Variants in GALNTL6 observed in about 807,000 individuals in gnomAD.
GALNTL6 encodes the protein polypeptide N-acetylgalactosaminyltransferase-like 6.
GALNTL6 carries 46 observed loss-of-function variants against 73.7 expected under a neutral mutation model. That is an observed-to-expected ratio of 0.62 (90% CI 0.49 to 0.80). GALNTL6 has a LOEUF of 0.80. Ranked by LOEUF, GALNTL6 falls within the 30% of genes least tolerant of loss-of-function variation. The pLI is 0.00. For missense variants in GALNTL6, 604 were observed against 755.0 expected (o/e 0.80, Z 2.34); for synonymous variants, 259 against 263.7 (o/e 0.98, Z 0.17).
intron 7 of GALNTL6, among the ~76,000 whole-genome samples, chr4:172,858,963 A>C (rs905660223): frequency 2.6e-5 from 4 of 151,916 alleles, no homozygotes; most frequent in Non-Finnish European, 5.9e-5. Context: ...TGGTCTCTTG[A>C]AAAAAAATAA....
chr4:172,799,770 G>A (rs1740501050), intron 5 of GALNTL6, among the ~76,000 whole-genome samples: 3 of 151,816 alleles, frequency 2.0e-5, no homozygotes, highest in Admixed American at 2.0e-4. Context: ...CTGCGTATAT[G>A]CCAAAACAAC....
At chr4:172,139,886 CT>C (rs912507440) in intron 2 of GALNTL6, among the ~76,000 whole-genome samples, 1 of 152,070 alleles carries the variant, frequency 6.6e-6, no homozygotes, top group African/African-American at 2.4e-5. Context: ...TATTGCATTT[CT>C]TTACTGTGTT....
chr4:172,228,447 T>C (rs1736942221), intron 2 of GALNTL6, among the ~76,000 whole-genome samples: 1 of 152,126 alleles, frequency 6.6e-6, no homozygotes, highest in South Asian at 2.1e-4. Context: ...AAGAATATTA[T>C]GCCCCATTTT....
intron 5 of GALNTL6, among the ~76,000 whole-genome samples, chr4:172,536,191 T>C (rs906223756): frequency 6.6e-6 from 1 of 152,192 alleles, no homozygotes; most frequent in African/African-American, 2.4e-5. Context: ...CCACTAAACC[T>C]CTTTTTCATT....
chr4:171,911,564 G>A (rs1163584534), intron 2 of GALNTL6, among the ~76,000 whole-genome samples: 1 of 152,182 alleles, frequency 6.6e-6, no homozygotes, highest in African/African-American at 2.4e-5. Flanking sequence ...AAAGCATTAA[G>A]TTAAGCACAT....
At chr4:172,351,204 T>TATCTATC (rs1554016416) in intron 5 of GALNTL6, among the ~76,000 whole-genome samples, 1 of 152,098 alleles carries the variant, frequency 6.6e-6, no homozygotes, top group Non-Finnish European at 1.5e-5. Flanking sequence ...TCTATCTATC[T>TATCTATC]ATCTATCTAT....
chr4:172,364,589 A>G (rs1742490014), intron 5 of GALNTL6, among the ~76,000 whole-genome samples: 1 of 152,232 alleles, frequency 6.6e-6, no homozygotes, highest in African/African-American at 2.4e-5. Context: ...ATTTGAAAAA[A>G]GATAACATTT....
intron 5 of GALNTL6, among the ~76,000 whole-genome samples, chr4:172,398,709 C>T (rs1743933583): frequency 6.6e-6 from 1 of 152,108 alleles, no homozygotes; most frequent in African/African-American, 2.4e-5. Flanking sequence ...AATATATCAA[C>T]TCTACAAATA....
At chr4:171,890,147 A>T (rs2110925074) in intron 2 of GALNTL6, among the ~76,000 whole-genome samples, 1 of 152,258 alleles carries the variant, frequency 6.6e-6, no homozygotes, top group East Asian at 1.9e-4. Context: ...TTCCATGTCT[A>T]TACCAAAAGC....
intron 5 of GALNTL6, among the ~76,000 whole-genome samples, chr4:172,384,088 C>T (rs1187755257): frequency 6.6e-6 from 1 of 151,938 alleles, no homozygotes; most frequent in Non-Finnish European, 1.5e-5. Flanking sequence ...TGATAGTTGT[C>T]TGGTTTTGGT....
At chr4:172,427,786 T>C (rs571634786) in intron 5 of GALNTL6, among the ~76,000 whole-genome samples, 12 of 152,290 alleles carry the variant, frequency 7.9e-5, no homozygotes, top group Non-Finnish European at 1.8e-4. Flanking sequence ...ATTTTGTTGG[T>C]ATTAAAACAC....
chr4:171,940,028 G>A (rs890333388), intron 2 of GALNTL6, among the ~76,000 whole-genome samples: 7 of 151,812 alleles, frequency 4.6e-5, no homozygotes, highest in East Asian at 1.9e-4. Context: ...CTCACTGTAC[G>A]GTCTTCGACA....
chr4:172,722,848 C>A (rs1735564246), intron 5 of GALNTL6, among the ~76,000 whole-genome samples: 1 of 152,112 alleles, frequency 6.6e-6, no homozygotes. Context: ...TCAGTTTCTG[C>A]ATAAGTTTTC....
chr4:172,720,070 T>C (rs1370252992), intron 5 of GALNTL6, among the ~76,000 whole-genome samples: 1 of 151,962 alleles, frequency 6.6e-6, no homozygotes, highest in African/African-American at 2.4e-5. Context: ...TAAATATAGG[T>C]CTTTATGACC....
chr4:172,835,920 C>G (rs1185551021), intron 7 of GALNTL6, among the ~76,000 whole-genome samples: 1 of 152,114 alleles, frequency 6.6e-6, no homozygotes, highest in African/African-American at 2.4e-5. Context: ...ACCTAGAGAC[C>G]CCCAAAAGGC....
At chr4:172,056,946 A>G (rs1047995242) in intron 2 of GALNTL6, among the ~76,000 whole-genome samples, 1 of 152,172 alleles carries the variant, frequency 6.6e-6, no homozygotes, top group African/African-American at 2.4e-5. Context: ...TGGTTTTAAA[A>G]TTAAAATATT....
rs547819873 is a variant in GALNTL6, at chr4:172,083,094, C to T, written c.139-146562C>T. 4.6e-5 allele frequency among the ~76,000 whole-genome samples: 7 copies of T among 152,286 alleles called. No homozygotes were observed. The South Asian group carries it at 6.2e-4, about 14-fold the overall frequency. Reference sequence around the variant, plus strand: ...TGTTATCTTTAACTCACCTCTTAATCTCATGCTTCACAACACTTTGTGAGT... The same window carrying T: ...TGTTATCTTTAACTCACCTCTTAATTTCATGCTTCACAACACTTTGTGAGT... On this transcript the variant is annotated intron_variant, in intron 2 of 12. Coordinates refer to ENST00000506823, the MANE Select transcript of GALNTL6 (RefSeq NM_001034845.3).
At chr4:172,092,990 C>T (rs1288518010) in intron 2 of GALNTL6, among the ~76,000 whole-genome samples, 1 of 151,376 alleles carries the variant, frequency 6.6e-6, no homozygotes, top group Non-Finnish European at 1.5e-5. Flanking sequence ...TCTCCTGCCT[C>T]AGCCTCCCGA....
At chr4:172,015,185 A>G (rs1339994249) in intron 2 of GALNTL6, among the ~76,000 whole-genome samples, 1 of 150,576 alleles carries the variant, frequency 6.6e-6, no homozygotes, top group East Asian at 2.0e-4. Flanking sequence ...GGTGCCCTCT[A>G]TCTCATTTCT....
Sources: allele counts gnomAD v4.1 joint callset (sites outside exome capture counted in the v4.1 genomes callset), GRCh38; gene constraint gnomAD v4.1.1; transcripts MANE v1.5; gene names NCBI Gene and HGNC (gene_info 2026-07-23, HGNC 2026-07-21).